FASTKD3: variants seen among roughly 807,000 people sequenced by gnomAD.
FASTKD3 encodes FAST kinase domain-containing protein 3, mitochondrial.
A neutral mutation model predicts 49.7 loss-of-function variants in FASTKD3; 47 were observed. The observed-to-expected ratio is 0.95, with a 90% confidence interval of 0.75 to 1.21. The LOEUF is 1.21. Ranked by LOEUF, FASTKD3 falls within the 50% of genes most tolerant of loss-of-function variation. The probability of loss-of-function intolerance (pLI) is 0.00; values close to 1 mark genes in which losing one functional copy is unlikely to be tolerated. For missense variants in FASTKD3, 748 were observed against 765.7 expected (o/e 0.98, Z 0.27); for synonymous variants, 284 against 288.6 (o/e 0.98, Z 0.16).
chr5:7,861,455 T>C, intron 5 of FASTKD3, 128 bp downstream of exon 5: 1 of 662,636 alleles, frequency 1.5e-6, no homozygotes, highest in South Asian at 3.7e-5. Context: ...CCCAACATGG[T>C]ATTCTGAAAT....
rs545216318 is a variant in FASTKD3 at position 7,862,955 on chromosome 5, T to A, written c.1567A>T (p.Thr523Ser). The change falls in exon 4 of 7, where the codon ACC becomes TCC. Residue 523 changes from threonine to serine, a missense_variant. Thr to Ser is a moderately conservative substitution (Grantham distance 58). Around this residue, in one of 3 missense-constraint regions of FASTKD3, gnomAD observed 178 missense variants for 182.2 expected, o/e 0.98. Coordinates refer to ENST00000264669, the MANE Select transcript of FASTKD3 (RefSeq NM_024091.4). ...LPKYQVKSFL[T>S]PCCSLETPVD... Reference sequence around the variant, plus strand: ...GGGGTCTCCAGGGAACAGCATGGGGTAAGAAATGACTTCACTTGATATTTA... The same window carrying A: ...GGGGTCTCCAGGGAACAGCATGGGGAAAGAAATGACTTCACTTGATATTTA... The A allele has an allele frequency of 1.2e-6, 2 of 1,613,892 alleles. No homozygotes were observed. Among genetic ancestry groups the A allele is most frequent in the African/African-American group, 2.7e-5 (2 of 74,984 alleles).
At position 7,866,840 on chromosome 5, in the gene FASTKD3, A is replaced by G. The variant is rs1246072531; in HGVS notation, c.1244T>C (p.Phe415Ser). The change falls in exon 2 of 7, where the codon TTT (phenylalanine) becomes TCT (serine). Residue 415 changes from phenylalanine (F) to serine (S), a missense_variant. This residue lies in a region of FASTKD3 where 564 missense variants were observed against 562.8 expected (regional missense o/e 1.00). Transcript: ENST00000264669. ...TGGTGGCAAATAATTGAGTTTCCCA[A>G]ATGGTTCCATTAAGGCAGAAATCTG... ...PRQISALMEP[F>S]GKLNYLPPNA... 4 of 1,613,974 alleles carry G rather than the reference A, an allele frequency of 2.5e-6. No individual in the cohort carries two copies. Among genetic ancestry groups the G allele is most frequent in the Non-Finnish European group, 3.4e-6 (4 of 1,180,028 alleles).
rs762373463 is a variant in FASTKD3 at position 7,863,040 on chromosome 5, A to G, written c.1525-43T>C. ...CAAATGTGAGAAAGAAAAATAAGAT[A>G]TAACAACAGAGAATAAATTGAAGGT... On this transcript the variant is annotated intron_variant, in intron 3 of 6. Coordinates refer to ENST00000264669, the MANE Select transcript of FASTKD3 (RefSeq NM_024091.4). 2.0e-6 allele frequency: 3 copies of G among 1,527,358 alleles called. No homozygotes were observed. In the East Asian group the frequency reaches 6.7e-5, roughly 34 times the overall value. 94.6% of individuals were successfully genotyped at this position (1,527,358 alleles called of 1,614,324 possible). A position where few individuals can be genotyped will look rare whatever the true frequency, so the allele number is the denominator to read the frequency against.
chr5:7,861,705 T>A, intron 4 of FASTKD3, 53 bp from the exon 5 acceptor site: 2 of 1,575,074 alleles, frequency 1.3e-6, no homozygotes, highest in Non-Finnish European at 1.7e-6. Context: ...ACAAACACTA[T>A]CTTCCTGTAT....
At position 7,859,367 on chromosome 5, in the gene FASTKD3, T is replaced by C; in HGVS notation, c.*68A>G. On this transcript the variant is annotated 3_prime_UTR_variant, in exon 7 of 7. Coordinates refer to ENST00000264669, the MANE Select transcript of FASTKD3 (RefSeq NM_024091.4). The stretch of plus-strand genomic sequence containing the variant: ...TGCAAAGTGGCTAATTCACATTATA[T>C]TTTTCTTTTAATACTGAGTTCCATA... The C allele has an allele frequency of 1.1e-6, 1 of 947,406 alleles. No individual in the cohort carries two copies. The highest frequency in any genetic ancestry group is 2.5e-5 in the Admixed American group (1 of 40,362). 58.7% of individuals were successfully genotyped at this position (947,406 alleles called of 1,614,324 possible).
chr5:7,865,451 G>A (rs926266661), intron 3 of FASTKD3, among the ~76,000 whole-genome samples: 7 of 152,176 alleles, frequency 4.6e-5, no homozygotes, highest in African/African-American at 1.7e-4. Context: ...TATGGGAAGA[G>A]CGAACTCTAG....
At chr5:7,863,136 ATC>A in intron 3 of FASTKD3, 139 bp from the exon 4 acceptor site, 1 of 722,792 alleles carries the variant, frequency 1.4e-6, no homozygotes, top group Non-Finnish European at 2.3e-6. Context: ...TGGGACAGGC[ATC>A]TCTCTCAAAA....
At position 7,865,940 on chromosome 5, in the gene FASTKD3, G is replaced by C. The variant is rs1175611731; in HGVS notation, c.1482C>G (p.Thr494=). 3 of 1,613,864 alleles carry C rather than the reference G, an allele frequency of 1.9e-6. No individual in the cohort carries two copies. Among genetic ancestry groups the C allele is most frequent in the Admixed American group, 1.7e-5 (1 of 60,000 alleles). Residue 494 remains threonine (T), a synonymous_variant, in exon 3 of 7, where the codon ACC becomes ACG. Transcript: ENST00000264669. ...HLDTLSRAQL[T]QLFLASVLEC... is the part of the protein sequence containing the mutation. ...CCAGGACTGAGGCTAAGAAAAGTTGGGTCAGTTGTGCCCGACTCAATGTGT... is the reference window on the plus strand; with the variant it reads ...CCAGGACTGAGGCTAAGAAAAGTTGCGTCAGTTGTGCCCGACTCAATGTGT...
intron 3 of FASTKD3, among the ~76,000 whole-genome samples, chr5:7,864,133 G>A (rs1341203613): frequency 6.6e-6 from 1 of 152,202 alleles, no homozygotes; most frequent in African/African-American, 2.4e-5. Flanking sequence ...TTACAGGCAT[G>A]AGCCACTGCG....
Position 7,861,589 on chromosome 5 carries a change from T to C in FASTKD3, c.1763A>G (p.His588Arg), listed in dbSNP as rs748288764. 4 of 1,589,816 alleles carry C rather than the reference T, an allele frequency of 2.5e-6. No individual in the cohort carries two copies. The highest frequency in any genetic ancestry group is 1.7e-4 in the Middle Eastern group (1 of 5,880). ...ACACAACATTTTCCTGTACCTTTTA[T>C]GGATATCTTCATTAGCTGTGGATGG... ...VLPSTANEDI[H>R]KRIALCIDGP... The change falls in exon 5 of 7, where the codon CAT becomes CGT. Residue 588 changes from histidine (H) to arginine (R), a missense_variant. By Grantham distance (29) the His-to-Arg change is conservative. Transcript: ENST00000264669.
In FASTKD3 at chr5:7,859,541, T is replaced by A; in HGVS notation, c.1885-2A>T. The A allele has an allele frequency of 6.4e-7, 1 of 1,574,408 alleles. No homozygotes were observed. The highest frequency in any genetic ancestry group is 1.2e-5 in the South Asian group (1 of 86,734). On this transcript the variant is annotated splice_acceptor_variant, in intron 6 of 6. Coordinates refer to ENST00000264669, the MANE Select transcript of FASTKD3 (RefSeq NM_024091.4). LOFTEE classifies it high-confidence loss of function. ...CATCCCAATCTCATGATAGGGGATC[T>A]GTAAAGGTAGAAAAGTAAAACTGGT...
chr5:7,861,858 G>T, intron 4 of FASTKD3: 1 of 1,136,036 alleles, frequency 8.8e-7, no homozygotes, highest in Non-Finnish European at 1.1e-6. Context: ...CTTAAATTAA[G>T]AAAGCTCAAT....
rs762577451 is a variant in FASTKD3, at chr5:7,862,876, C to T, written c.1646G>A (p.Gly549Glu). ...YVKIGLTNLL[G>E]ARLYFAPKVL... ...TTTTGGAGCAAAATATAATCTTGCTCCTAAAAGGTTAGTCAGCCCAATCTT... is the reference window on the plus strand; with the variant it reads ...TTTTGGAGCAAAATATAATCTTGCTTCTAAAAGGTTAGTCAGCCCAATCTT... The change falls in exon 4 of 7, where the codon GGA (glycine) becomes GAA (glutamate). Residue 549 changes from glycine (G) to glutamate (E), a missense_variant. Transcript: ENST00000264669. 9 of 1,613,960 alleles carry T rather than the reference C, an allele frequency of 5.6e-6. No homozygotes were observed. The East Asian group carries it at 1.8e-4, about 32-fold the overall frequency.
At chr5:7,862,708 G>A (rs775841242) in intron 4 of FASTKD3, 115 bp downstream of exon 4, 13 of 881,472 alleles carry the variant, frequency 1.5e-5, no homozygotes, top group Non-Finnish European at 1.9e-5. Flanking sequence ...CTTCAGGGAA[G>A]GGACCATTCC....
In FASTKD3 at chr5:7,862,930, G is replaced by C; in HGVS notation, c.1592C>G (p.Pro531Arg). 1 of 1,614,020 alleles carries C rather than the reference G, an allele frequency of 6.2e-7. No homozygotes were observed. Among genetic ancestry groups the C allele is most frequent in the Non-Finnish European group, 8.5e-7 (1 of 1,179,924 alleles). ...ATATCTATAAAGCTGAGAATCCACAGGGGTCTCCAGGGAACAGCATGGGGT... is the reference window on the plus strand; with the variant it reads ...ATATCTATAAAGCTGAGAATCCACACGGGTCTCCAGGGAACAGCATGGGGT... Reference protein sequence around the residue: ...FLTPCCSLETPVDSQLYRYVK... With the variant: ...FLTPCCSLETRVDSQLYRYVK... The change falls in exon 4 of 7, where the codon CCT (proline) becomes CGT (arginine). Residue 531 changes from proline to arginine, a missense_variant. By Grantham distance (103) the Pro-to-Arg change is moderately radical (BLOSUM62 -2). Around this residue, in one of 3 missense-constraint regions of FASTKD3, gnomAD observed 178 missense variants for 182.2 expected, o/e 0.98. Transcript: ENST00000264669.
intron 6 of FASTKD3, 33 bp from the exon 7 acceptor site, chr5:7,859,572 T>C: frequency 7.3e-7 from 1 of 1,362,170 alleles, no homozygotes; most frequent in South Asian, 1.3e-5. Flanking sequence ...CTGGTCAAGA[T>C]CCTTCAAAAT....
intron 6 of FASTKD3, among the ~76,000 whole-genome samples, chr5:7,860,700 C>T (rs2126590362): frequency 6.6e-6 from 1 of 152,298 alleles, no homozygotes; most frequent in South Asian, 2.1e-4. Flanking sequence ...CCTGAAAAAT[C>T]CCTGAGCAGA....
In FASTKD3 at chr5:7,859,399, C is replaced by T; in HGVS notation, c.*36G>A. The T allele has an allele frequency of 7.4e-7, 1 of 1,346,416 alleles. No homozygotes were observed. The highest frequency in any genetic ancestry group is 1.0e-6 in the Non-Finnish European group (1 of 962,088). The allele number at this position is 1,346,416 out of a possible 1,614,324, so 83.4% of individuals were successfully genotyped here. ...TTTAATACTGAGTTCCATAAAAATG[C>T]AAGTTCTTCCATTGTTTGAGTTCTG... On this transcript the variant is annotated 3_prime_UTR_variant, in exon 7 of 7. Coordinates refer to ENST00000264669, the MANE Select transcript of FASTKD3 (RefSeq NM_024091.4).
At chr5:7,866,521 G>T in intron 2 of FASTKD3, 125 bp downstream of exon 2, 1 of 718,550 alleles carries the variant, frequency 1.4e-6, no homozygotes, top group Non-Finnish European at 2.4e-6. Context: ...TTAACTTCAG[G>T]TCTCATCTTC....
Sources: allele counts gnomAD v4.1 joint callset (sites outside exome capture counted in the v4.1 genomes callset), GRCh38; gene constraint gnomAD v4.1.1; regional missense constraint gnomAD v4.1.1; transcripts MANE v1.5; gene names NCBI Gene and HGNC (gene_info 2026-07-23, HGNC 2026-07-21).